The following PCID2 variants were observed in gnomAD, a reference collection of about 807,000 sequenced individuals.
The protein encoded by PCID2 is PCI domain-containing protein 2.
In PCID2, 41 loss-of-function variants were observed where a neutral mutation model predicts 61.3. The observed-to-expected ratio is 0.67, with a 90% CI of 0.52 to 0.87. The LOEUF (loss-of-function observed/expected upper bound fraction) is 0.87. PCID2 is among the 40% of genes least tolerant of loss of function. The pLI is 0.00. For synonymous variants in PCID2, 187 were observed against 177.8 expected, an observed-to-expected ratio of 1.05 and a Z score of -0.41; for missense variants, 392 against 493.4, an observed-to-expected ratio of 0.79 and a Z score of 1.95.
rs1362608171 is a variant in PCID2 at position 113,177,665 on chromosome 13, G to C, written c.*533C>G. On this transcript the variant is annotated 3_prime_UTR_variant, in exon 14 of 14. Transcript: ENST00000337344. ...ATGTAACCCTATCATAAATTGAGGA[G>C]CATCCATACAGGCAAGCTATAAAAT... The C allele has an allele frequency of 6.6e-6, 1 of 152,164 alleles. No homozygotes were observed. Among genetic ancestry groups the C allele is most frequent in the Non-Finnish European group, 1.5e-5 (1 of 68,060 alleles). 9.4% of individuals were successfully genotyped at this position (152,164 alleles called of 1,614,324 possible).
chr13:113,191,054 A>G, intron 6 of PCID2, 79 bp from the exon 7 acceptor site: 6 of 918,842 alleles, frequency 6.5e-6, no homozygotes, highest in Non-Finnish European at 8.5e-6. Context: ...CTGCAGTGGC[A>G]CAATCACACC....
intron 1 of PCID2, among the ~76,000 whole-genome samples, chr13:113,206,335 T>C (rs553634009): frequency 3.2e-4 from 48 of 152,202 alleles, no homozygotes; most frequent in Non-Finnish European, 5.9e-4. Context: ...TATGGTCTCT[T>C]TGCTGTGTCT....
chr13:113,196,974 A>T (rs751569081), intron 4 of PCID2: 4 of 1,342,520 alleles, frequency 3.0e-6, no homozygotes, highest in Non-Finnish European at 3.2e-6. Flanking sequence ...GTTCTTCCTT[A>T]CTAAGTACTG....
At chr13:113,203,656 G>A (rs2039594076) in intron 1 of PCID2, among the ~76,000 whole-genome samples, 2 of 152,146 alleles carry the variant, frequency 1.3e-5, no homozygotes, top group African/African-American at 2.4e-5. Flanking sequence ...CCCTGCCCAC[G>A]CCCTGCAAGA....
At position 113,180,178 on chromosome 13, in the gene PCID2, C is replaced by T. The variant is rs369900227; in HGVS notation, c.840G>A (p.Ala280=). The T allele has an allele frequency of 3.3e-5, 54 of 1,613,978 alleles. No individual in the cohort carries two copies. In the African/African-American group the frequency reaches 4.1e-4, roughly 12 times the overall value. ...TCTACCTCACAGCTCTGGTTACTTC[C>T]GCAAACTGCATCAGGTGATACTTTT... is the stretch of plus-strand genomic sequence containing the variant. The part of the protein sequence containing the change: ...LLKKYHLMQF[A]EVTRAVSEGN... The change falls in exon 11 of 14, where the codon GCG becomes GCA. Residue 280 remains alanine (A), a synonymous_variant. Transcript: ENST00000337344.
At chr13:113,183,416 T>G (rs528776485) in intron 9 of PCID2, among the ~76,000 whole-genome samples, 55 of 152,148 alleles carry the variant, frequency 3.6e-4, no homozygotes, top group Non-Finnish European at 7.5e-4. Flanking sequence ...TCTCTACCTT[T>G]ATGCTTCATA....
chr13:113,193,177 C>T (rs1030450950), intron 6 of PCID2, among the ~76,000 whole-genome samples: 3 of 152,092 alleles, frequency 2.0e-5, no homozygotes, highest in African/African-American at 4.8e-5. Context: ...CAAGATATTA[C>T]GAAATCCATT....
At chr13:113,204,715 T>A (rs1010794415) in intron 1 of PCID2, among the ~76,000 whole-genome samples, 3 of 152,134 alleles carry the variant, frequency 2.0e-5, no homozygotes, top group Non-Finnish European at 4.4e-5. Context: ...CCTGCCTCAA[T>A]GACTAAACTG....
intron 1 of PCID2, among the ~76,000 whole-genome samples, chr13:113,207,255 A>G (rs550003277): frequency 1.3e-5 from 2 of 152,376 alleles, no homozygotes; most frequent in Middle Eastern, 3.4e-3. Context: ...TGAAATATGA[A>G]TGCAAAAGGA....
At chr13:113,171,520 T>G in the PCID2 span, 4 of 1,597,476 alleles carry the variant, frequency 2.5e-6, no homozygotes, top group Non-Finnish European at 3.4e-6. The surrounding 1 kb of genome is among the most constrained non-coding windows in gnomAD (Gnocchi z 5.1). Flanking sequence ...CGTGGCTCCC[T>G]GAGAAGCTCG....
chr13:113,167,236 C>T, the PCID2 span, among the ~76,000 whole-genome samples: 1 of 152,110 alleles, frequency 6.6e-6, no homozygotes, highest in African/African-American at 2.4e-5. Context: ...TGGTTTTATC[C>T]CCTTTAAAGT....
intron 4 of PCID2, 154 bp downstream of exon 4, chr13:113,197,024 T>C (rs1228183208): frequency 6.2e-7 from 1 of 1,612,156 alleles, no homozygotes; most frequent in Non-Finnish European, 8.5e-7. Flanking sequence ...AGTACCCAAG[T>C]GAAAGAGCTG....
At chr13:113,169,416 A>C in the PCID2 span, among the ~76,000 whole-genome samples, 1 of 152,122 alleles carries the variant, frequency 6.6e-6, no homozygotes, top group Admixed American at 6.5e-5. Context: ...GTGCTGACTC[A>C]GTTTTGGGAT....
intron 2 of PCID2, 38 bp from the exon 3 acceptor site, chr13:113,198,302 AT>A (rs759012990): frequency 8.0e-7 from 1 of 1,253,246 alleles, no homozygotes; most frequent in African/African-American, 1.5e-5. Flanking sequence ...AGTAAAATTA[AT>A]AGGCACAGAA....
At chr13:113,167,709 A>G in the PCID2 span, among the ~76,000 whole-genome samples, 6 of 152,380 alleles carry the variant, frequency 3.9e-5, no homozygotes, top group Middle Eastern at 3.4e-3. Context: ...TAGGTAGTAT[A>G]TAATTGGCTT....
Position 113,194,496 on chromosome 13 carries a change from C to T in PCID2, c.363+575G>A, listed in dbSNP as rs1452942218. ...CTCCCAGGGTTTTAACTGTTTCTAG[C>T]AGGCACAATAGGGTGAAATCCATTG... On this transcript the variant is annotated intron_variant, in intron 6 of 13. Coordinates refer to ENST00000337344, the MANE Select transcript of PCID2 (RefSeq NM_001127202.4). 5.3e-5 allele frequency among the ~76,000 whole-genome samples: 8 copies of T among 152,194 alleles called. 1 individual carries two copies. Among genetic ancestry groups the T allele is most frequent in the African/African-American group, 1.7e-4 (7 of 41,440 alleles).
intron 6 of PCID2, among the ~76,000 whole-genome samples, chr13:113,194,153 G>A (rs1239518222): frequency 6.6e-6 from 1 of 152,184 alleles, no homozygotes; most frequent in Non-Finnish European, 1.5e-5. Context: ...TGCTAGCCCA[G>A]GGTGGAGGTC....
downstream of PCID2, among the ~76,000 whole-genome samples, chr13:113,172,875 C>T (rs2037140325): frequency 6.6e-6 from 1 of 152,212 alleles, no homozygotes; most frequent in South Asian, 2.1e-4. Flanking sequence ...CAGCACCTCA[C>T]CAATGGGCTG....
chr13:113,180,069 G>A (rs1372837296), intron 11 of PCID2, 27 bp from the exon 12 acceptor site: 2 of 1,613,542 alleles, frequency 1.2e-6, no homozygotes, highest in African/African-American at 2.7e-5. Flanking sequence ...CGCGTCAGAA[G>A]GAGGGTGAGT....
Sources: gnomAD v4.1 joint callset for allele counts (sites outside exome capture counted in the v4.1 genomes callset) on GRCh38, gnomAD v4.1.1 for gene constraint, Gnocchi (gnomAD v3.1) non-coding constraint, MANE v1.5 for transcripts, NCBI Gene and HGNC (gene_info 2026-07-23, HGNC 2026-07-21) for gene names.